Variants in CDH11 observed in about 807,000 individuals in gnomAD.
CDH11 encodes cadherin 11.
Under a neutral mutation model 67.8 loss-of-function variants are expected in CDH11, and 11 were observed. The observed-to-expected ratio is 0.16, with a 90% confidence interval of 0.10 to 0.27. The LOEUF (loss-of-function observed/expected upper bound fraction) is 0.27. Ranked by LOEUF, CDH11 falls within the 10% of genes least tolerant of loss-of-function variation. The pLI is 1.00. For missense variants in CDH11, 847 were observed against 1,031.2 expected, an observed-to-expected ratio of 0.82 and a Z score of 2.45; for synonymous variants, 419 against 400.0, an observed-to-expected ratio of 1.05 and a Z score of -0.57.
At chr16:65,068,513 C>T (rs1050799635) in intron 1 of CDH11, among the ~76,000 whole-genome samples, 3 of 151,694 alleles carry the variant, frequency 2.0e-5, no homozygotes, top group African/African-American at 7.3e-5. Context: ...GACTCTCTCC[C>T]GTGACCTTGC....
intron 2 of CDH11, among the ~76,000 whole-genome samples, chr16:65,052,256 C>G (rs2074068557): frequency 6.6e-6 from 1 of 152,108 alleles, no homozygotes; most frequent in Admixed American, 6.6e-5. Flanking sequence ...CAAATAAGTC[C>G]TGTCCTCAAA....
intron 1 of CDH11, among the ~76,000 whole-genome samples, chr16:65,070,135 C>T (rs1041643242): frequency 6.6e-6 from 1 of 152,186 alleles, no homozygotes; most frequent in Non-Finnish European, 1.5e-5. Flanking sequence ...TCACTTTCCC[C>T]ATCTGAACAA....
chr16:65,037,622 A>G (rs1403605665), intron 2 of CDH11, among the ~76,000 whole-genome samples: 1 of 151,922 alleles, frequency 6.6e-6, no homozygotes, highest in Non-Finnish European at 1.5e-5. Context: ...TCCCCTAACA[A>G]CCCTGCTAGA....
At chr16:64,996,476 C>T (rs1241729534) in intron 4 of CDH11, among the ~76,000 whole-genome samples, 4 of 134,014 alleles carry the variant, frequency 3.0e-5, no homozygotes, top group Non-Finnish European at 4.7e-5. Context: ...GGCAACAGAG[C>T]GAGACTCTGT....
intron 1 of CDH11, chr16:65,059,416 G>A (rs570856743): frequency 6.6e-6 from 1 of 152,284 alleles, no homozygotes; most frequent in African/African-American, 2.4e-5. Flanking sequence ...AGTAAGCCAT[G>A]CTTTTAGAGG....
At chr16:65,054,744 C>CATA (rs2074115735) in intron 1 of CDH11, among the ~76,000 whole-genome samples, 1 of 152,204 alleles carries the variant, frequency 6.6e-6, no homozygotes, top group Non-Finnish European at 1.5e-5. Flanking sequence ...AACACAACAG[C>CATA]ATAAAGGAGT....
rs1346807543 is a variant in CDH11, at chr16:64,950,998, C to T, written c.1663G>A (p.Ala555Thr). 6.2e-7 allele frequency: 1 copy of T among 1,613,838 alleles called. No individual in the cohort carries two copies. The highest frequency in any genetic ancestry group is 1.3e-5 in the African/African-American group (1 of 75,074). The change falls in exon 12 of 13, where the codon GCC (alanine) becomes ACC (threonine). Residue 555 changes from alanine to threonine, a missense_variant. This residue lies in a region of CDH11 where 612 missense variants were observed against 678.7 expected (regional missense o/e 0.90). Coordinates refer to ENST00000268603, the MANE Select transcript of CDH11 (RefSeq NM_001797.4). Reference protein sequence around the residue: ...DNRDNTAGVYARRGGFSRQKQ... With the variant: ...DNRDNTAGVYTRRGGFSRQKQ... ...TGCCGACTGAACCCTCCACGCCGGG[C>T]GTACACGCCTGCTGTGTTATCTGCA...
chr16:65,027,489 G>A (rs1778734812), intron 2 of CDH11, among the ~76,000 whole-genome samples: 1 of 152,228 alleles, frequency 6.6e-6, no homozygotes, highest in African/African-American at 2.4e-5. Context: ...TGGGCAGAAA[G>A]TAAGTGCTTT....
Position 64,998,658 on chromosome 16 carries a change from A to T in CDH11, c.427T>A (p.Ser143Thr). 6.2e-7 allele frequency: 1 copy of T among 1,614,044 alleles called. No homozygotes were observed. Among genetic ancestry groups the T allele is most frequent in the Non-Finnish European group, 8.5e-7 (1 of 1,180,024 alleles). ...TCCTGGACCTTGACAATGAATTCCG[A>T]CGGTGGCTCCAGTGGCCGATTGGTG... ...RDTNRPLEPP[S>T]EFIVKVQDIN... The change falls in exon 4 of 13, where the codon TCG (serine) becomes ACG (threonine). Residue 143 changes from serine to threonine, a missense_variant. By Grantham distance (58) the Ser-to-Thr change is moderately conservative (BLOSUM62 1). Around this residue, in one of 2 missense-constraint regions of CDH11, gnomAD observed 235 missense variants for 352.5 expected, o/e 0.67. Transcript: ENST00000268603.
intron 1 of CDH11, among the ~76,000 whole-genome samples, chr16:65,093,924 C>A (rs772361738): frequency 6.6e-6 from 1 of 152,150 alleles, no homozygotes; most frequent in Non-Finnish European, 1.5e-5. Flanking sequence ...TTAGAACCAA[C>A]TCTGCCTTAA....
intron 6 of CDH11, among the ~76,000 whole-genome samples, chr16:64,989,647 C>A (rs1246931539): frequency 6.6e-6 from 1 of 152,014 alleles, no homozygotes; most frequent in Admixed American, 6.6e-5. Context: ...GGCCAAATTG[C>A]GTAAAATAGA....
intron 1 of CDH11, among the ~76,000 whole-genome samples, chr16:65,083,191 T>C (rs994006793): frequency 6.6e-6 from 1 of 152,204 alleles, no homozygotes; most frequent in Non-Finnish European, 1.5e-5. Context: ...CAGCTCCTTT[T>C]CAGATTTGGA....
rs576520473 is a variant in CDH11, at chr16:65,109,294, G to A, written c.-298+12586C>T. ...TCTGACCCATTAGACAGGCTACCAT[G>A]TCTCAGATGCTCTGAGACCTTGGGC... On this transcript the variant is annotated intron_variant, in intron 1 of 12. Transcript: ENST00000268603. 2.6e-5 allele frequency among the ~76,000 whole-genome samples: 4 copies of A among 152,316 alleles called. No individual in the cohort carries two copies. The South Asian group carries it at 8.3e-4, about 32-fold the overall frequency.
At chr16:65,016,913 G>T (rs1022217853) in intron 2 of CDH11, among the ~76,000 whole-genome samples, 4 of 152,144 alleles carry the variant, frequency 2.6e-5, no homozygotes, top group Non-Finnish European at 4.4e-5. Context: ...AGAACTGAGG[G>T]TTATTCCCCT....
chr16:65,071,459 G>A (rs1195506877), intron 1 of CDH11, among the ~76,000 whole-genome samples: 1 of 152,112 alleles, frequency 6.6e-6, no homozygotes, highest in Non-Finnish European at 1.5e-5. Context: ...GTGAACAAAC[G>A]GTTATGATCC....
At chr16:65,057,151 A>G (rs1253671128) in intron 1 of CDH11, among the ~76,000 whole-genome samples, 1 of 152,116 alleles carries the variant, frequency 6.6e-6, no homozygotes, top group Non-Finnish European at 1.5e-5. Context: ...CTGTTTCTGC[A>G]TTCTCTGCAC....
At chr16:65,115,025 G>C (rs1181765970) in intron 1 of CDH11, among the ~76,000 whole-genome samples, 1 of 152,166 alleles carries the variant, frequency 6.6e-6, no homozygotes, top group Non-Finnish European at 1.5e-5. Flanking sequence ...GATTTATCAA[G>C]AGACTAATTA....
rs1215631908 is a variant in CDH11 at position 64,991,895 on chromosome 16, G to A, written c.684C>T (p.Ala228=). 1.9e-6 allele frequency: 3 copies of A among 1,613,442 alleles called. No homozygotes were observed. Among genetic ancestry groups the A allele is most frequent in the Admixed American group, 3.3e-5 (2 of 59,984 alleles). The part of the protein sequence containing the change: ...RTALPNMDRE[A]KEEYHVVIQA... ...GGATCACCACGTGGTACTCCTCCTT[G>A]GCCTCCCTGTCCATGTTGGGTAGGG... Residue 228 remains alanine, a synonymous_variant, in exon 6 of 13, where the codon GCC becomes GCT. Transcript: ENST00000268603.
At chr16:65,095,940 T>G (rs866286666) in intron 1 of CDH11, among the ~76,000 whole-genome samples, 4 of 152,216 alleles carry the variant, frequency 2.6e-5, no homozygotes, top group Admixed American at 6.5e-5. Flanking sequence ...TGGTGCCATC[T>G]ATGAGGAATA....
Sources: gnomAD v4.1 joint callset for allele counts (sites outside exome capture counted in the v4.1 genomes callset) on GRCh38, gnomAD v4.1.1 for gene constraint, gnomAD v4.1.1 regional missense constraint, MANE v1.5 for transcripts, NCBI Gene and HGNC (gene_info 2026-07-23, HGNC 2026-07-21) for gene names.